CAPN2: variants seen among roughly 807,000 people sequenced by gnomAD.
The protein encoded by CAPN2 is calpain-2 catalytic subunit.
In CAPN2, 92 loss-of-function variants were observed where a neutral mutation model predicts 102.3. The observed-to-expected ratio is 0.90, with a 90% CI of 0.76 to 1.07. The LOEUF is 1.07. CAPN2 is among the 50% of genes least tolerant of loss of function. CAPN2 has a pLI of 0.00. For synonymous variants in CAPN2, 340 were observed against 355.4 expected (o/e 0.96, Z 0.49); for missense variants, 800 against 909.4 (o/e 0.88, Z 1.55).
Position 223,759,160 on chromosome 1 carries a change from C to G in CAPN2, c.1318-110C>G. 9.9e-7 allele frequency: 1 copy of G among 1,008,958 alleles called. No individual in the cohort carries two copies. The highest frequency in any genetic ancestry group is 1.4e-5 in the South Asian group (1 of 73,274). The allele number at this position is 1,008,958 out of a possible 1,614,324, so 62.5% of individuals were successfully genotyped here. A position where few individuals can be genotyped will look rare whatever the true frequency, so the allele number is the denominator to read the frequency against. ...CTCGCCTCCTTATACACCAGGACAG[C>G]AGGACTGAGCCACCACACTACCCAA... On this transcript the variant is annotated intron_variant, in intron 11 of 20. Coordinates refer to ENST00000295006, the MANE Select transcript of CAPN2 (RefSeq NM_001748.5). The surrounding 1 kb of genome is among the most constrained non-coding windows in gnomAD (Gnocchi z 4.6).
At chr1:223,761,702 A>G in intron 13 of CAPN2, 85 bp downstream of exon 13, 2 of 1,114,628 alleles carry the variant, frequency 1.8e-6, no homozygotes, top group Non-Finnish European at 2.7e-6. Flanking sequence ...GAGTTTTTGG[A>G]CTTCACGAAC....
chr1:223,769,865 C>A lies in CAPN2; in HGVS notation c.1780C>A (p.Leu594Met). ...GTCGGACGGGAGTGGCAAGCTGGGG[C>A]TGAAGGAGTTCTACATTCTCTGGAC... ...LDSDGSGKLG[L>M]KEFYILWTKI... The change falls in exon 17 of 21, where the codon CTG (leucine) becomes ATG (methionine). Residue 594 changes from leucine to methionine, a missense_variant. Transcript: ENST00000295006. 1 of 1,609,060 alleles carries A rather than the reference C, an allele frequency of 6.2e-7. No individual in the cohort carries two copies. The highest frequency in any genetic ancestry group is 8.5e-7 in the Non-Finnish European group (1 of 1,177,584).
chr1:223,720,728 C>CA (rs1186583546), intron 2 of CAPN2, among the ~76,000 whole-genome samples: 1 of 151,968 alleles, frequency 6.6e-6, no homozygotes, highest in Non-Finnish European at 1.5e-5. Flanking sequence ...GTACTCATCC[C>CA]AAATCTAAAG....
At chr1:223,763,294 C>G (rs1661234112) in intron 14 of CAPN2, among the ~76,000 whole-genome samples, 1 of 152,112 alleles carries the variant, frequency 6.6e-6, no homozygotes, top group South Asian at 2.1e-4. Context: ...GACCTAAAGA[C>G]CCATCAAAGT....
At chr1:223,748,598 C>T (rs1660807626) in intron 5 of CAPN2, among the ~76,000 whole-genome samples, 1 of 152,178 alleles carries the variant, frequency 6.6e-6, no homozygotes, top group Non-Finnish European at 1.5e-5. Flanking sequence ...AGGGTGTGCT[C>T]AGTGTCCCTG....
At chr1:223,713,559 G>A (rs982336242) in intron 1 of CAPN2, among the ~76,000 whole-genome samples, 2 of 152,118 alleles carry the variant, frequency 1.3e-5, no homozygotes, top group African/African-American at 2.4e-5. Context: ...TGACCTCCCG[G>A]CCCTGGGACA....
At chr1:223,764,335 A>C (rs1282124789) in intron 15 of CAPN2, 128 bp downstream of exon 15, 5 of 748,140 alleles carry the variant, frequency 6.7e-6, no homozygotes, top group Non-Finnish European at 1.2e-5. Flanking sequence ...CCCTCCAAGA[A>C]GTGGATGAAG....
At chr1:223,764,934 T>C (rs1186043569) in intron 15 of CAPN2, among the ~76,000 whole-genome samples, 1 of 152,204 alleles carries the variant, frequency 6.6e-6, no homozygotes, top group Non-Finnish European at 1.5e-5. Flanking sequence ...GTCAGAGGAT[T>C]GATTGTTCAA....
rs1184662188 is a variant in CAPN2, at chr1:223,755,732, A to C, written c.1305+83A>C. 6 of 1,322,314 alleles carry C rather than the reference A, an allele frequency of 4.5e-6. No individual in the cohort carries two copies. The East Asian group carries it at 1.3e-4, about 28-fold the overall frequency. The allele number at this position is 1,322,314 out of a possible 1,614,324, so 81.9% of individuals were successfully genotyped here. A position where few individuals can be genotyped will look rare whatever the true frequency, so the allele number is the denominator to read the frequency against. On this transcript the variant is annotated intron_variant, in intron 10 of 20. Coordinates refer to ENST00000295006, the MANE Select transcript of CAPN2 (RefSeq NM_001748.5). The surrounding 1 kb of genome is among the most constrained non-coding windows in gnomAD (Gnocchi z 4.1). ...ATGGAAAGCTGACCCCAGAGGCAGAACTGGGGATGGGATCCCAGACCGGGA... is the reference window on the plus strand; with the variant it reads ...ATGGAAAGCTGACCCCAGAGGCAGACCTGGGGATGGGATCCCAGACCGGGA...
intron 12 of CAPN2, among the ~76,000 whole-genome samples, chr1:223,760,768 C>T (rs1430104977): frequency 6.6e-6 from 1 of 152,216 alleles, no homozygotes; most frequent in Non-Finnish European, 1.5e-5. Context: ...CAAGAGGACA[C>T]CCCACCTCTC....
chr1:223,723,978 G>A (rs1660126557), intron 2 of CAPN2, among the ~76,000 whole-genome samples: 1 of 151,748 alleles, frequency 6.6e-6, no homozygotes, highest in Non-Finnish European at 1.5e-5. Flanking sequence ...GCCTGTTTGG[G>A]TGCCTCTTTA....
intron 4 of CAPN2, among the ~76,000 whole-genome samples, chr1:223,745,921 T>C (rs1354027148): frequency 6.6e-6 from 1 of 152,212 alleles, no homozygotes; most frequent in African/African-American, 2.4e-5. Context: ...GGTAGGAAAC[T>C]TGCCCAGAAT....
At chr1:223,710,024 C>T (rs1438795983), upstream of CAPN2, among the ~76,000 whole-genome samples, 3 of 152,092 alleles carry the variant, frequency 2.0e-5, no homozygotes, top group Non-Finnish European at 4.4e-5. Flanking sequence ...CCTGTAATCC[C>T]AACACTTTGG....
At position 223,764,181 on chromosome 1, in the gene CAPN2, C is replaced by T; in HGVS notation, c.1664C>T (p.Thr555Ile). 6.2e-7 allele frequency: 1 copy of T among 1,613,970 alleles called. No individual in the cohort carries two copies. Among genetic ancestry groups the T allele is most frequent in the Non-Finnish European group, 8.5e-7 (1 of 1,179,882 alleles). Residue 555 changes from threonine to isoleucine, a missense_variant, in exon 15 of 21, where the codon ACC (threonine) becomes ATC (isoleucine). By Grantham distance (89) the Thr-to-Ile change is moderately conservative (BLOSUM62 -1). Transcript: ENST00000295006. ...DAEISAFELQ[T>I]ILRRVLAKRQ... ...GAGATCTCTGCCTTTGAGCTGCAGA[C>T]CATCCTGAGAAGGGTTCTAGCAAAG...
In CAPN2 at chr1:223,759,183, C is replaced by G; in HGVS notation, c.1318-87C>G. On this transcript the variant is annotated intron_variant, in intron 11 of 20. Transcript: ENST00000295006. This position sits in a 1 kb window ranked among gnomAD's most constrained non-coding sequence, Gnocchi z 4.6. ...AGCAGGACTGAGCCACCACACTACC[C>G]AACTGCTTTTATCTCAGTGAATGAA... 1 of 1,283,298 alleles carries G rather than the reference C, an allele frequency of 7.8e-7. No homozygotes were observed. Among genetic ancestry groups the G allele is most frequent in the Admixed American group, 1.8e-5 (1 of 55,146 alleles). The allele number at this position is 1,283,298 out of a possible 1,614,324, so 79.5% of individuals were successfully genotyped here.
intron 2 of CAPN2, among the ~76,000 whole-genome samples, chr1:223,737,310 G>A (rs1164082237): frequency 6.6e-6 from 1 of 152,186 alleles, no homozygotes; most frequent in Non-Finnish European, 1.5e-5. Context: ...TGGATATAGG[G>A]ATGGCCGGTC....
chr1:223,761,269 G>A (rs558547952), intron 12 of CAPN2, among the ~76,000 whole-genome samples: 6 of 152,306 alleles, frequency 3.9e-5, no homozygotes, highest in African/African-American at 1.4e-4. Flanking sequence ...AGCTGCCCAC[G>A]TTGCTTTGGT....
At chr1:223,719,777 C>G (rs1659997801) in intron 2 of CAPN2, among the ~76,000 whole-genome samples, 1 of 150,962 alleles carries the variant, frequency 6.6e-6, no homozygotes, top group Non-Finnish European at 1.5e-5. Context: ...TTCTTAGTAG[C>G]TAGTCTGTAA....
rs367926302 is a variant in CAPN2 at position 223,719,942 on chromosome 1, C to T, written c.307+2111C>T. 2.6e-4 allele frequency among the ~76,000 whole-genome samples: 39 copies of T among 152,232 alleles called. 1 individual carries two copies. The highest frequency in any genetic ancestry group is 9.7e-4 in the East Asian group (5 of 5,170). ...GAAATGTGGTATACTGTACTCTCAC[C>T]CTGATTCTGGCACCTGGCCAGCGGG... On this transcript the variant is annotated intron_variant, in intron 2 of 20. Transcript: ENST00000295006.
Sources: allele counts gnomAD v4.1 joint callset (sites outside exome capture counted in the v4.1 genomes callset), GRCh38; gene constraint gnomAD v4.1.1; non-coding constraint Gnocchi (gnomAD v3.1); transcripts MANE v1.5; gene names NCBI Gene and HGNC (gene_info 2026-07-23, HGNC 2026-07-21).